Variants in TRAF3 observed in about 807,000 individuals in gnomAD.
TRAF3 encodes TNF receptor-associated factor 3.
In TRAF3, 13 loss-of-function variants were observed where a neutral mutation model predicts 62.3. The ratio of observed to expected loss-of-function variants is 0.21; its 90% CI spans 0.14 to 0.33. TRAF3 has a LOEUF of 0.33. Ranked by LOEUF, TRAF3 falls within the 10% of genes least tolerant of loss-of-function variation. The pLI, the probability that TRAF3 is intolerant of heterozygous loss-of-function variation, is 1.00. For missense variants in TRAF3, 440 were observed against 741.8 expected, an observed-to-expected ratio of 0.59 and a Z score of 4.73; for synonymous variants, 269 against 283.4, an observed-to-expected ratio of 0.95 and a Z score of 0.51.
intron 3 of TRAF3, among the ~76,000 whole-genome samples, chr14:102,870,650 C>T (rs949355568): frequency 6.6e-6 from 1 of 152,230 alleles, no homozygotes; most frequent in African/African-American, 2.4e-5. Flanking sequence ...CTGCGTGTCT[C>T]TGACCTGCCC....
chr14:102,806,172 T>C (rs772786826), intron 1 of TRAF3, among the ~76,000 whole-genome samples: 1 of 152,152 alleles, frequency 6.6e-6, no homozygotes, highest in Non-Finnish European at 1.5e-5. Flanking sequence ...AGCAAAGAGT[T>C]TTCGGGTTCA....
At chr14:102,787,548 G>A (rs1897567745) in intron 1 of TRAF3, among the ~76,000 whole-genome samples, 2 of 151,768 alleles carry the variant, frequency 1.3e-5, no homozygotes, top group South Asian at 2.1e-4. Flanking sequence ...TTAGCTGGGT[G>A]TGGTGGCACA....
intron 1 of TRAF3, among the ~76,000 whole-genome samples, chr14:102,782,443 A>G (rs376237495): frequency 1.4e-5 from 2 of 147,594 alleles, no homozygotes; most frequent in East Asian, 4.1e-4. Flanking sequence ...CTGTTGGCCA[A>G]GCTGGTCTCA....
intron 2 of TRAF3, among the ~76,000 whole-genome samples, chr14:102,859,515 CA>C (rs1887564864): frequency 6.6e-6 from 1 of 152,198 alleles, no homozygotes; most frequent in Non-Finnish European, 1.5e-5. Flanking sequence ...TAACAATTTT[CA>C]AAAGTCAAAG....
At chr14:102,836,569 A>G (rs777099273) in intron 2 of TRAF3, among the ~76,000 whole-genome samples, 1 of 152,216 alleles carries the variant, frequency 6.6e-6, no homozygotes, top group African/African-American at 2.4e-5. Flanking sequence ...TGATCTGGAA[A>G]TGTTTTACAC....
At chr14:102,876,651 C>T (rs1566790209) in intron 6 of TRAF3, 126 bp downstream of exon 6, 1 of 1,289,452 alleles carries the variant, frequency 7.8e-7, no homozygotes, top group East Asian at 2.5e-5. Flanking sequence ...TAATCCGTTC[C>T]ACAGGCCTTC....
intron 4 of TRAF3, among the ~76,000 whole-genome samples, chr14:102,874,510 C>T (rs1015696392): frequency 7.2e-5 from 11 of 152,062 alleles, no homozygotes; most frequent in African/African-American, 1.4e-4. Context: ...CCACCCACCT[C>T]GGCCTCCCAA....
Position 102,903,425 on chromosome 14 carries a change from C to G in TRAF3, c.1131C>G (p.Asn377Lys). 5 of 1,613,880 alleles carry G rather than the reference C, an allele frequency of 3.1e-6. No individual in the cohort carries two copies. The highest frequency in any genetic ancestry group is 4.2e-6 in the Non-Finnish European group (5 of 1,179,964). ...AGAGCGCGGGGCAAGTGGCTCGGAACACAGGTGAGGCAGGGGCCGGGGCCG... is the reference window on the plus strand; with the variant it reads ...AGAGCGCGGGGCAAGTGGCTCGGAAGACAGGTGAGGCAGGGGCCGGGGCCG... ...VDKSAGQVAR[N>K]TGLLESQLSR... is the part of the protein sequence containing the mutation. The change falls in exon 11 of 12, where the codon AAC becomes AAG. Residue 377 changes from asparagine (N) to lysine (K), a missense_variant. Around this residue, in one of 6 missense-constraint regions of TRAF3, gnomAD observed 41 missense variants for 40.0 expected, o/e 1.03. Transcript: ENST00000392745. The surrounding 1 kb of genome is among the most constrained non-coding windows in gnomAD (Gnocchi z 6.4).
chr14:102,828,000 C>T (rs973541905), intron 1 of TRAF3, among the ~76,000 whole-genome samples: 4 of 152,254 alleles, frequency 2.6e-5, no homozygotes, highest in Admixed American at 6.5e-5. Context: ...TCCCGCAGGG[C>T]GTACCTGAGC....
At chr14:102,897,153 T>C (rs1890048361) in intron 9 of TRAF3, 108 bp from the exon 10 acceptor site, 1 of 1,037,850 alleles carries the variant, frequency 9.6e-7, no homozygotes, top group Non-Finnish European at 1.4e-6. Context: ...TCTGAAACTC[T>C]GTCAATAAGC....
At chr14:102,886,771 A>G (rs1889416951) in intron 7 of TRAF3, among the ~76,000 whole-genome samples, 1 of 152,192 alleles carries the variant, frequency 6.6e-6, no homozygotes, top group South Asian at 2.1e-4. Flanking sequence ...ACAAAACAAA[A>G]CAAAACTACA....
In TRAF3 at chr14:102,906,170, T is replaced by C. The variant is rs1156512245; in HGVS notation, c.*386T>C. The C allele has an allele frequency of 2.8e-5, 5 of 177,316 alleles. No individual in the cohort carries two copies. The highest frequency in any genetic ancestry group is 5.5e-5 in the Admixed American group (1 of 18,314). The allele number at this position is 177,316 out of a possible 1,614,324, so 11.0% of individuals were successfully genotyped here. On this transcript the variant is annotated 3_prime_UTR_variant, in exon 12 of 12. Coordinates refer to ENST00000392745, the MANE Select transcript of TRAF3 (RefSeq NM_145725.3). ...ACACACACGTGGGGATAGCTGGACA[T>C]GTCAGCATGTTAAGTAAAAGGAGAA...
chr14:102,892,968 T>C (rs1402350996), intron 9 of TRAF3, among the ~76,000 whole-genome samples: 1 of 152,252 alleles, frequency 6.6e-6, no homozygotes, highest in Non-Finnish European at 1.5e-5. Context: ...AGGAATCTTT[T>C]TTTTCCCTCT....
At chr14:102,830,565 G>A (rs1474445160) in intron 2 of TRAF3, 93 bp downstream of exon 2, 2 of 152,166 alleles carry the variant, frequency 1.3e-5, no homozygotes, top group African/African-American at 4.8e-5. Context: ...TTTAGACTCT[G>A]TAATTTAGAA....
intron 6 of TRAF3, 40 bp from the exon 7 acceptor site, chr14:102,886,149 G>A (rs1889369994): frequency 1.9e-6 from 3 of 1,605,570 alleles, no homozygotes; most frequent in Admixed American, 3.3e-5. Flanking sequence ...AGGAAGACAG[G>A]TTGTGTGTTT....
intron 1 of TRAF3, among the ~76,000 whole-genome samples, chr14:102,782,963 C>T (rs1897327653): frequency 6.6e-6 from 1 of 152,118 alleles, no homozygotes; most frequent in African/African-American, 2.4e-5. Flanking sequence ...TGTGAATCTC[C>T]AGGAGTCATG....
At chr14:102,884,847 T>C (rs1889282589) in intron 6 of TRAF3, among the ~76,000 whole-genome samples, 1 of 152,156 alleles carries the variant, frequency 6.6e-6, no homozygotes, top group South Asian at 2.1e-4. Context: ...ATATATGTGC[T>C]TAACCACACA....
chr14:102,896,335 A>AAC (rs1212203530), intron 9 of TRAF3, among the ~76,000 whole-genome samples: 3 of 152,178 alleles, frequency 2.0e-5, no homozygotes, highest in Non-Finnish European at 4.4e-5. Flanking sequence ...CAGCCCGGGT[A>AAC]ACCACCATTC....
At chr14:102,787,909 T>C (rs1457209972) in intron 1 of TRAF3, among the ~76,000 whole-genome samples, 1 of 149,642 alleles carries the variant, frequency 6.7e-6, no homozygotes, top group African/African-American at 2.5e-5. Context: ...TGGAGTGCAG[T>C]GGTGTGATCT....
Sources: allele counts gnomAD v4.1 joint callset (sites outside exome capture counted in the v4.1 genomes callset), GRCh38; gene constraint gnomAD v4.1.1; regional missense constraint gnomAD v4.1.1; non-coding constraint Gnocchi (gnomAD v3.1); transcripts MANE v1.5; gene names NCBI Gene and HGNC (gene_info 2026-07-23, HGNC 2026-07-21).